The following CD101 variants were observed in gnomAD, a reference collection of about 807,000 sequenced individuals.
CD101 encodes CD101 molecule, also known as immunoglobulin superfamily member 2.
CD101 carries 76 observed loss-of-function variants against 98.2 expected under a neutral mutation model. That is an observed-to-expected ratio of 0.77 (90% CI 0.64 to 0.94). The LOEUF (loss-of-function observed/expected upper bound fraction) is 0.94. CD101 is among the 40% of genes least tolerant of loss of function. The pLI is 0.00. For missense variants in CD101, 1,145 were observed against 1,218.8 expected (o/e 0.94, Z 0.90); for synonymous variants, 471 against 472.7 (o/e 1.00, Z 0.05).
In CD101 at chr1:117,021,564, TAAA is replaced by T. The variant is rs1360464640; in HGVS notation, c.2018-8_2018-6del. On this transcript the variant is annotated splice_region_variant and splice_polypyrimidine_tract_variant and intron_variant, in intron 6 of 9. Coordinates refer to ENST00000682167, the MANE Select transcript of CD101 (RefSeq NM_001256106.3). This position sits in a 1 kb window ranked among gnomAD's most constrained non-coding sequence, Gnocchi z 4.7. Reference sequence around the variant, plus strand: ...TAGCAAAGTAACTGTTTCATTTTTTTAAATTTAGAGAGCAAGCTAAAAGTGAAT... The same window carrying T: ...TAGCAAAGTAACTGTTTCATTTTTTTTTTAGAGAGCAAGCTAAAAGTGAAT... The T allele has an allele frequency of 6.4e-7, 1 of 1,551,648 alleles. No individual in the cohort carries two copies. The highest frequency in any genetic ancestry group is 1.4e-5 in the African/African-American group (1 of 72,374).
In CD101 at chr1:117,013,684, G is replaced by C. The variant is rs771618614; in HGVS notation, c.1120G>C (p.Ala374Pro). 3.1e-6 allele frequency: 5 copies of C among 1,613,964 alleles called. No homozygotes were observed. The African/African-American group carries it at 6.7e-5, about 22-fold the overall frequency. The change falls in exon 4 of 10, where the codon GCC (alanine) becomes CCC (proline). Residue 374 changes from alanine to proline, a missense_variant. Transcript: ENST00000682167. ...IFSLGPEDEGAYRCVVAEVMK... is the reference protein window; with the variant it reads ...IFSLGPEDEGPYRCVVAEVMK... ...CTCTCTGGGCCCAGAGGATGAAGGC[G>C]CCTACAGATGTGTGGTAGCAGAGGT...
rs114290624 is a variant in CD101 at position 117,025,451 on chromosome 1, G to T, written c.2429-58G>T. The T allele has an allele frequency of 5.7e-4, 804 of 1,414,474 alleles. 6 individuals carry two copies. The African/African-American group carries it at 0.01, about 18-fold the overall frequency. The allele number at this position is 1,414,474 out of a possible 1,614,324, so 87.6% of individuals were successfully genotyped here. ...CCCAGTGAGAACTAGATTTTTCAGA[G>T]GTGGTATCCAAATCTGAAAGTCTGC... On this transcript the variant is annotated intron_variant, in intron 7 of 9. Transcript: ENST00000682167.
intron 7 of CD101, among the ~76,000 whole-genome samples, chr1:117,025,192 G>A (rs1000015200): frequency 1.3e-5 from 2 of 151,828 alleles, no homozygotes; most frequent in East Asian, 1.9e-4. Flanking sequence ...GTGAAACCCC[G>A]TCTCTACTAA....
intron 7 of CD101, among the ~76,000 whole-genome samples, chr1:117,024,045 T>C (rs1482514376): frequency 6.6e-6 from 1 of 152,108 alleles, no homozygotes; most frequent in Non-Finnish European, 1.5e-5. Flanking sequence ...TAGGAAGTAA[T>C]TTGAGACAAG....
In CD101 at chr1:117,033,343, G is replaced by A. The variant is rs1191783459; in HGVS notation, c.2825-517G>A. 7.2e-5 allele frequency among the ~76,000 whole-genome samples: 11 copies of A among 152,088 alleles called. No individual in the cohort carries two copies. The highest frequency in any genetic ancestry group is 9.7e-5 in the African/African-American group (4 of 41,398). On this transcript the variant is annotated intron_variant, in intron 8 of 9. Transcript: ENST00000682167. The surrounding 1 kb of genome is among the most constrained non-coding windows in gnomAD (Gnocchi z 4.8). ...CAGGGAGGGCCAGGCTTGGGTCAGC[G>A]GGGGTAGGGGCTTCTTATTGTGGGT...
rs1447422568 is a variant in CD101 at position 117,013,811 on chromosome 1, A to C, written c.1228+19A>C. 4.4e-6 allele frequency: 7 copies of C among 1,595,340 alleles called. No individual in the cohort carries two copies. The South Asian group carries it at 5.6e-5, about 13-fold the overall frequency. On this transcript the variant is annotated intron_variant, in intron 4 of 9. Transcript: ENST00000682167. ...CCAGCAGGTACGTAAAGTCAAGGCC[A>C]GGCATGCATTGGGCTGCTTTCAGAT...
In CD101 at chr1:117,021,283, A is replaced by C. The variant is rs1653566822; in HGVS notation, c.2018-290A>C. The stretch of plus-strand genomic sequence containing the variant: ...ACACTCCCTCTGCCACACCACCCCT[A>C]CCAAGCACAGGTAGCACTAGGACTA... On this transcript the variant is annotated intron_variant, in intron 6 of 9. Coordinates refer to ENST00000682167, the MANE Select transcript of CD101 (RefSeq NM_001256106.3). This position sits in a 1 kb window ranked among gnomAD's most constrained non-coding sequence, Gnocchi z 4.7. 1.3e-5 allele frequency among the ~76,000 whole-genome samples: 2 copies of C among 152,152 alleles called. No homozygotes were observed. The highest frequency in any genetic ancestry group is 2.9e-5 in the Non-Finnish European group (2 of 68,016).
chr1:117,029,212 GAA>G (rs769846325), intron 8 of CD101, among the ~76,000 whole-genome samples: 8 of 54,462 alleles, frequency 1.5e-4, no homozygotes, highest in Middle Eastern at 7.1e-3. Flanking sequence ...AGAAAAGAAA[GAA>G]AAGAAAGAAA....
In CD101 at chr1:117,005,119, C is replaced by T. The variant is rs1652456691; in HGVS notation, c.43+3259C>T. 6.6e-6 allele frequency among the ~76,000 whole-genome samples: 1 copy of T among 152,080 alleles called. No homozygotes were observed. The highest frequency in any genetic ancestry group is 2.4e-5 in the African/African-American group (1 of 41,398). ...AATGCCCCATCTCCTAATACCATCA[C>T]CTTGGAAATTAGGTTTCTGCGTGTG... On this transcript the variant is annotated intron_variant, in intron 1 of 9. Coordinates refer to ENST00000682167, the MANE Select transcript of CD101 (RefSeq NM_001256106.3). The surrounding 1 kb of genome is among the most constrained non-coding windows in gnomAD (Gnocchi z 4.4).
Position 117,005,856 on chromosome 1 carries a change from A to G in CD101, c.44-3994A>G, listed in dbSNP as rs1054403356. On this transcript the variant is annotated intron_variant, in intron 1 of 9. Transcript: ENST00000682167. The surrounding 1 kb of genome is among the most constrained non-coding windows in gnomAD (Gnocchi z 4.4). Reference sequence around the variant, plus strand: ...ATCCTAGGAGTTTTTACATAACTAAATATGGGAATATCACAGGGTTTTTGA... The same window carrying G: ...ATCCTAGGAGTTTTTACATAACTAAGTATGGGAATATCACAGGGTTTTTGA... 6.6e-6 allele frequency among the ~76,000 whole-genome samples: 1 copy of G among 152,174 alleles called. No homozygotes were observed. The highest frequency in any genetic ancestry group is 1.5e-5 in the Non-Finnish European group (1 of 68,014).
In CD101 at chr1:117,018,488, T is replaced by G; in HGVS notation, c.1945T>G (p.Ser649Ala). ...TGAAGTAGAAGTTTATGACAGAAAT[T>G]CCCTATACAACAACCGCCCCCCGAG... ...QCEVEVYDRNSLYNNRPPRAS... is the reference protein window; with the variant it reads ...QCEVEVYDRNALYNNRPPRAS... The change falls in exon 6 of 10, where the codon TCC becomes GCC. Residue 649 changes from serine to alanine, a missense_variant. Physicochemically the swap from Ser to Ala is moderately conservative, Grantham distance 99 (BLOSUM62 1). Transcript: ENST00000682167. This position sits in a 1 kb window ranked among gnomAD's most constrained non-coding sequence, Gnocchi z 4.3. 1 of 1,614,018 alleles carries G rather than the reference T, an allele frequency of 6.2e-7. No homozygotes were observed. The highest frequency in any genetic ancestry group is 8.5e-7 in the Non-Finnish European group (1 of 1,179,924).
chr1:117,029,963 C>T (rs1451320860), intron 8 of CD101, among the ~76,000 whole-genome samples: 6 of 152,166 alleles, frequency 3.9e-5, no homozygotes, highest in Admixed American at 3.3e-4. Flanking sequence ...ACCCTTAGAC[C>T]CTAGACATTA....
At position 117,018,404 on chromosome 1, in the gene CD101, T is replaced by A; in HGVS notation, c.1861T>A (p.Phe621Ile). The change falls in exon 6 of 10, where the codon TTT (phenylalanine) becomes ATT (isoleucine). Residue 621 changes from phenylalanine to isoleucine, a missense_variant. Physicochemically the swap from Phe to Ile is conservative, Grantham distance 21. Transcript: ENST00000682167. The surrounding 1 kb of genome is among the most constrained non-coding windows in gnomAD (Gnocchi z 4.3). ...QKKTKVSQSL[F>I]RSQLLVHDAT... ...GAAGACGAAAGTGTCGCAGTCTTTA[T>A]TTCGTTCACAACTCCTAGTCCATGA... 3.7e-6 allele frequency: 6 copies of A among 1,614,222 alleles called. No individual in the cohort carries two copies. Among genetic ancestry groups the A allele is most frequent in the Non-Finnish European group, 5.1e-6 (6 of 1,180,036 alleles).
rs576045378 is a variant in CD101, at chr1:117,016,147, G to A, written c.1229-943G>A. Reference sequence around the variant, plus strand: ...TGTTGTCGTACACCTTGTTGTACACGTTGTTGTACAACAACGTGTGTTGTA... The same window carrying A: ...TGTTGTCGTACACCTTGTTGTACACATTGTTGTACAACAACGTGTGTTGTA... On this transcript the variant is annotated intron_variant, in intron 4 of 9. Coordinates refer to ENST00000682167, the MANE Select transcript of CD101 (RefSeq NM_001256106.3). 1.5e-4 allele frequency among the ~76,000 whole-genome samples: 22 copies of A among 149,430 alleles called. No homozygotes were observed. The South Asian group carries it at 3.6e-3, about 24-fold the overall frequency.
chr1:117,017,880 C>A (rs1653336357), intron 5 of CD101, among the ~76,000 whole-genome samples: 1 of 152,096 alleles, frequency 6.6e-6, no homozygotes, highest in Non-Finnish European at 1.5e-5. Flanking sequence ...AGTGCTCCAC[C>A]CACTCAGCAG....
At position 117,024,434 on chromosome 1, in the gene CD101, G is replaced by C. The variant is rs1653776429; in HGVS notation, c.2429-1075G>C. Among the ~76,000 whole-genome samples the C allele has an allele frequency of 2.0e-5, 3 of 152,192 alleles. No individual in the cohort carries two copies. In the South Asian group the frequency reaches 6.2e-4, roughly 32 times the overall value. On this transcript the variant is annotated intron_variant, in intron 7 of 9. Coordinates refer to ENST00000682167, the MANE Select transcript of CD101 (RefSeq NM_001256106.3). ...AGAGGTTGCGGTGAGCCAAGATTGTGCCACTGCACTCTAGCCTGGGCGACA... is the reference window on the plus strand; with the variant it reads ...AGAGGTTGCGGTGAGCCAAGATTGTCCCACTGCACTCTAGCCTGGGCGACA...
intron 1 of CD101, among the ~76,000 whole-genome samples, chr1:117,008,775 T>C (rs1652694026): frequency 6.6e-6 from 1 of 152,172 alleles, no homozygotes; most frequent in Admixed American, 6.5e-5. Context: ...AGTCACAAAA[T>C]GCAGCAGAGG....
intron 8 of CD101, among the ~76,000 whole-genome samples, chr1:117,029,196 A>AG (rs1654198690): frequency 2.7e-5 from 2 of 74,936 alleles, no homozygotes; most frequent in Non-Finnish European, 5.2e-5. Flanking sequence ...AGAAAGAAAG[A>AG]AAGAAAGAAA....
chr1:117,023,697 G>A lies in CD101; in HGVS notation c.2428+1714G>A, dbSNP rs574773185. Among the ~76,000 whole-genome samples the A allele has an allele frequency of 7.2e-5, 11 of 152,138 alleles. No homozygotes were observed. Among genetic ancestry groups the A allele is most frequent in the South Asian group, 2.1e-4 (1 of 4,814 alleles). On this transcript the variant is annotated intron_variant, in intron 7 of 9. Coordinates refer to ENST00000682167, the MANE Select transcript of CD101 (RefSeq NM_001256106.3). The surrounding 1 kb of genome is among the most constrained non-coding windows in gnomAD (Gnocchi z 4.4). ...CTCCCAAAGTGCTGGGATTACAGGC[G>A]TGAGCCACTGCGCCCAGCCCAGTTC...
Sources: allele counts gnomAD v4.1 joint callset (sites outside exome capture counted in the v4.1 genomes callset), GRCh38; gene constraint gnomAD v4.1.1; non-coding constraint Gnocchi (gnomAD v3.1); transcripts MANE v1.5; gene names NCBI Gene and HGNC (gene_info 2026-07-23, HGNC 2026-07-21).